Variants in ZNF217 observed in about 807,000 individuals in gnomAD.
The protein encoded by ZNF217 is zinc finger protein 217.
ZNF217 carries 12 observed loss-of-function variants against 73.3 expected under a neutral mutation model. The ratio of observed to expected loss-of-function variants is 0.16; its 90% CI spans 0.10 to 0.27. The LOEUF (loss-of-function observed/expected upper bound fraction) is 0.27, where lower values mean the gene tolerates loss of function less well. Ranked by LOEUF, ZNF217 falls within the 10% of genes least tolerant of loss-of-function variation. The probability of loss-of-function intolerance (pLI) is 1.00; values close to 1 mark genes in which losing one functional copy is unlikely to be tolerated. For synonymous variants in ZNF217, 588 were observed against 516.4 expected (o/e 1.14, Z -1.88); for missense variants, 1,195 against 1,327.8 (o/e 0.90, Z 1.55).
At position 53,581,802 on chromosome 20, in the gene ZNF217, G is replaced by C. The variant is rs1988507678; in HGVS notation, c.1025C>G (p.Ala342Gly). 1 of 1,614,236 alleles carries C rather than the reference G, an allele frequency of 6.2e-7. No individual in the cohort carries two copies. The highest frequency in any genetic ancestry group is 8.5e-7 in the Non-Finnish European group (1 of 1,180,042). The change falls in exon 2 of 6, where the codon GCA becomes GGA. Residue 342 changes from alanine to glycine, a missense_variant. By Grantham distance (60) the Ala-to-Gly change is moderately conservative (BLOSUM62 0). Coordinates refer to ENST00000371471, the MANE Select transcript of ZNF217 (RefSeq NM_006526.3). This position sits in a 1 kb window ranked among gnomAD's most constrained non-coding sequence, Gnocchi z 4.9. ...CTTCTCTTTCTCTTGCGAGAGGCCT[G>C]CACAACTGCCCTTATTTGTTTCTCC... ...ELGETNKGSC[A>G]GLSQEKEKCK...
At position 53,581,413 on chromosome 20, in the gene ZNF217, C is replaced by CGGGG. The variant is rs1988476970; in HGVS notation, c.1366+47_1366+48insCCCC. 2 of 1,196,434 alleles carry CGGGG rather than the reference C, an allele frequency of 1.7e-6. No homozygotes were observed. The highest frequency in any genetic ancestry group is 2.2e-6 in the Non-Finnish European group (2 of 897,516). The allele number at this position is 1,196,434 out of a possible 1,614,324, so 74.1% of individuals were successfully genotyped here. A position where few individuals can be genotyped will look rare whatever the true frequency, so the allele number is the denominator to read the frequency against. ...GAATAGAGAGGGGGAGACGGGGAGA[C>CGGGG]AGACAGACACAGGCGGAACAGCACG... On this transcript the variant is annotated intron_variant, in intron 2 of 5. Coordinates refer to ENST00000371471, the MANE Select transcript of ZNF217 (RefSeq NM_006526.3). The surrounding 1 kb of genome is among the most constrained non-coding windows in gnomAD (Gnocchi z 4.9).
upstream of ZNF217, among the ~76,000 whole-genome samples, chr20:53,597,296 A>G (rs569330278): frequency 1.3e-5 from 2 of 152,136 alleles, no homozygotes; most frequent in Admixed American, 1.3e-4. Flanking sequence ...GCCAACATAG[A>G]TACGGGACGT....
At chr20:53,574,022 AT>A (rs1600713943) in intron 4 of ZNF217, among the ~76,000 whole-genome samples, 1 of 151,944 alleles carries the variant, frequency 6.6e-6, no homozygotes, top group East Asian at 1.9e-4. Flanking sequence ...GTGAGCTGAG[AT>A]CACACCATTG....
At chr20:53,572,535 A>AT (rs1988058631) in intron 4 of ZNF217, 2 of 152,184 alleles carry the variant, frequency 1.3e-5, no homozygotes, top group African/African-American at 4.8e-5. Flanking sequence ...GGAAATGAAG[A>AT]TTTTTAACCA....
intron 1 of ZNF217, among the ~76,000 whole-genome samples, chr20:53,593,425 C>A (rs2145987970): frequency 6.6e-6 from 1 of 151,502 alleles, no homozygotes; most frequent in East Asian, 2.0e-4. Flanking sequence ...TTCGGAACAG[C>A]CCCCCACCGC....
intron 1 of ZNF217, among the ~76,000 whole-genome samples, chr20:53,591,563 G>A (rs1988880279): frequency 6.6e-6 from 1 of 152,126 alleles, no homozygotes; most frequent in Admixed American, 6.5e-5. Flanking sequence ...AGCAACATCA[G>A]GGTTAAGAAA....
intron 4 of ZNF217, among the ~76,000 whole-genome samples, chr20:53,572,286 T>C (rs1399109617): frequency 1.3e-5 from 2 of 152,066 alleles, no homozygotes; most frequent in Non-Finnish European, 2.9e-5. Flanking sequence ...GCACCTTTAG[T>C]CCCAGCTACT....
At position 53,568,825 on chromosome 20, in the gene ZNF217, A is replaced by G. The variant is rs1288784967; in HGVS notation, c.*463T>C. On this transcript the variant is annotated 3_prime_UTR_variant, in exon 6 of 6. Transcript: ENST00000371471. ...TGCTCCAAGTGATGAGCTGCATTAG[A>G]GAAAAGGAATACACACAGTATTTGA... 2 of 153,944 alleles carry G rather than the reference A, an allele frequency of 1.3e-5. No homozygotes were observed. Among genetic ancestry groups the G allele is most frequent in the Non-Finnish European group, 2.9e-5 (2 of 69,088 alleles). The allele number at this position is 153,944 out of a possible 1,614,324, so 9.5% of individuals were successfully genotyped here. A position where few individuals can be genotyped will look rare whatever the true frequency, so the allele number is the denominator to read the frequency against.
chr20:53,575,754 T>A lies in ZNF217; in HGVS notation c.3010A>T (p.Ser1004Cys). The change falls in exon 4 of 6, where the codon AGT becomes TGT. Residue 1004 changes from serine to cysteine, a missense_variant. By Grantham distance (112) the Ser-to-Cys change is moderately radical. Around this residue, in one of 9 missense-constraint regions of ZNF217, gnomAD observed 649 missense variants for 642.8 expected, o/e 1.01. Coordinates refer to ENST00000371471, the MANE Select transcript of ZNF217 (RefSeq NM_006526.3). ...TCTAACGTCGAGCTGGATGCTGGAC[T>A]ACCAGCAGGCACACAAGTGTAAAGT... ...GPLYTCVPAG[S>C]PASSSTLEGK... The A allele has an allele frequency of 6.3e-7, 1 of 1,595,514 alleles. No homozygotes were observed. Among genetic ancestry groups the A allele is most frequent in the Non-Finnish European group, 8.5e-7 (1 of 1,170,720 alleles).
chr20:53,589,280 A>G (rs1318295875), intron 1 of ZNF217, among the ~76,000 whole-genome samples: 1 of 152,236 alleles, frequency 6.6e-6, no homozygotes, highest in Non-Finnish European at 1.5e-5. Context: ...AAGGAATCCA[A>G]CTAACTCTCT....
intron 1 of ZNF217, among the ~76,000 whole-genome samples, chr20:53,585,599 A>G (rs992614248): frequency 3.3e-5 from 5 of 152,200 alleles, no homozygotes; most frequent in Non-Finnish European, 7.3e-5. Context: ...GGGAAACAGC[A>G]TAACTTAGTT....
Position 53,575,269 on chromosome 20 carries a change from G to A in ZNF217, c.3037+458C>T, listed in dbSNP as rs554264395. 1.6e-3 allele frequency: 252 copies of A among 154,392 alleles called. 1 individual carries two copies. The highest frequency in any genetic ancestry group is 6.7e-3 in the Middle Eastern group (2 of 298). 9.6% of individuals were successfully genotyped at this position (154,392 alleles called of 1,614,324 possible). On this transcript the variant is annotated intron_variant, in intron 4 of 5. Transcript: ENST00000371471. ...GGTCAACGCAGGAGGATCACCTCAG[G>A]CCAGGAGTTCAAGACCAGCCTGGGC...
intron 1 of ZNF217, among the ~76,000 whole-genome samples, chr20:53,589,399 C>A (rs556400833): frequency 6.6e-6 from 1 of 152,316 alleles, no homozygotes; most frequent in African/African-American, 2.4e-5. Context: ...TATGCTGATA[C>A]CCTGGACAGG....
rs984095367 is a variant in ZNF217 at position 53,568,079 on chromosome 20, A to G, written c.*1209T>C. ...TTGCATGTGCACTGAGAAAAATGTT[A>G]CTGCTTCAAAACAACCAAAAATGGG... On this transcript the variant is annotated 3_prime_UTR_variant, in exon 6 of 6. Transcript: ENST00000371471. 1 of 152,350 alleles carries G rather than the reference A, an allele frequency of 6.6e-6. No individual in the cohort carries two copies. The highest frequency in any genetic ancestry group is 2.4e-5 in the African/African-American group (1 of 41,442). 9.4% of individuals were successfully genotyped at this position (152,350 alleles called of 1,614,324 possible). A position where few individuals can be genotyped will look rare whatever the true frequency, so the allele number is the denominator to read the frequency against.
intron 1 of ZNF217, among the ~76,000 whole-genome samples, chr20:53,586,296 G>A (rs1355794107): frequency 2.0e-5 from 3 of 152,076 alleles, no homozygotes; most frequent in East Asian, 1.9e-4. Context: ...GTCACTAACC[G>A]TAACTGATCA....
intron 1 of ZNF217, among the ~76,000 whole-genome samples, chr20:53,584,258 C>T (rs969971604): frequency 1.3e-5 from 2 of 152,196 alleles, no homozygotes; most frequent in African/African-American, 4.8e-5. Context: ...AACCAAAAGG[C>T]ATGCAAACTA....
Position 53,575,818 on chromosome 20 carries a change from A to G in ZNF217, c.2946T>C (p.Asn982=). Reference sequence around the variant, plus strand: ...CATAGGGCTTCTGAACAGTCAGCACATTTGGAGAATCGACCTCGCTGGAGC... The same window carrying G: ...CATAGGGCTTCTGAACAGTCAGCACGTTTGGAGAATCGACCTCGCTGGAGC... ...FLSSSEVDSP[N]VLTVQKPYGG... Residue 982 remains asparagine, a synonymous_variant, in exon 4 of 6, where the codon AAT becomes AAC. Transcript: ENST00000371471. The G allele has an allele frequency of 6.2e-7, 1 of 1,614,180 alleles. No homozygotes were observed. The highest frequency in any genetic ancestry group is 1.1e-5 in the South Asian group (1 of 91,068).
upstream of ZNF217, among the ~76,000 whole-genome samples, chr20:53,597,083 C>CAAAA (rs11483077): frequency 8.3e-6 from 1 of 120,792 alleles, no homozygotes; most frequent in East Asian, 2.2e-4. Flanking sequence ...AGTAACATAA[C>CAAAA]AAAAAAAAAA....
chr20:53,596,819 AG>A (rs753836900), upstream of ZNF217, among the ~76,000 whole-genome samples: 1 of 152,032 alleles, frequency 6.6e-6, no homozygotes, highest in Non-Finnish European at 1.5e-5. Flanking sequence ...TGGAACCAAA[AG>A]AGAAGCTCTG....
Sources: allele counts gnomAD v4.1 joint callset (sites outside exome capture counted in the v4.1 genomes callset), GRCh38; gene constraint gnomAD v4.1.1; regional missense constraint gnomAD v4.1.1; non-coding constraint Gnocchi (gnomAD v3.1); transcripts MANE v1.5; gene names NCBI Gene and HGNC (gene_info 2026-07-23, HGNC 2026-07-21).